PLAA: variants seen among roughly 807,000 people sequenced by gnomAD.
The protein encoded by PLAA is phospholipase A-2-activating protein.
A neutral mutation model predicts 84.1 loss-of-function variants in PLAA; 48 were observed. The observed-to-expected ratio is 0.57, with a 90% confidence interval of 0.45 to 0.73. The LOEUF (loss-of-function observed/expected upper bound fraction) is 0.73, where lower values mean the gene tolerates loss of function less well. Ranked by LOEUF, PLAA falls within the 30% of genes least tolerant of loss-of-function variation. The pLI is 0.00. For synonymous variants in PLAA, 392 were observed against 336.6 expected (o/e 1.16, Z -1.80); for missense variants, 903 against 954.7 (o/e 0.95, Z 0.71).
In PLAA at chr9:26,905,850, C is replaced by T. The variant is rs769781876; in HGVS notation, c.2049G>A (p.Leu683=). The change falls in exon 14 of 14, where the codon CTG becomes CTA. Residue 683 remains leucine, a synonymous_variant. Coordinates refer to ENST00000397292, the MANE Select transcript of PLAA (RefSeq NM_001031689.3). Reference sequence around the variant, plus strand: ...ATTTCAGTTCTATTGCATGGGACATCAGTGATTCCCTCTGGGACATCATGA... The same window carrying T: ...ATTTCAGTTCTATTGCATGGGACATTAGTGATTCCCTCTGGGACATCATGA... ...QKLMMSQRES[L]MSHAIELKSG... is the part of the protein sequence containing the mutation. 8 of 1,613,934 alleles carry T rather than the reference C, an allele frequency of 5.0e-6. No homozygotes were observed. The highest frequency in any genetic ancestry group is 5.9e-6 in the Non-Finnish European group (7 of 1,179,934).
At chr9:26,916,683 T>C in intron 10 of PLAA, 1 of 996,410 alleles carries the variant, frequency 1.0e-6, no homozygotes, top group Non-Finnish European at 1.2e-6. Context: ...TGCTGTGTCT[T>C]GGTTGGTGGG....
At chr9:26,909,684 G>A (rs1044146917) in intron 12 of PLAA, among the ~76,000 whole-genome samples, 1 of 150,978 alleles carries the variant, frequency 6.6e-6, no homozygotes, top group African/African-American at 2.4e-5. Flanking sequence ...GCAGTGGCGC[G>A]ATCTCGGGCT....
chr9:26,907,732 C>T (rs941792416), intron 13 of PLAA, 102 bp downstream of exon 13: 41 of 995,586 alleles, frequency 4.1e-5, no homozygotes, highest in African/African-American at 2.0e-4. Flanking sequence ...TTAGAACTAC[C>T]GAAGTTAACT....
intron 1 of PLAA, among the ~76,000 whole-genome samples, chr9:26,938,054 A>G (rs1365738857): frequency 1.3e-5 from 2 of 152,150 alleles, no homozygotes; most frequent in African/African-American, 4.8e-5. Context: ...GAAACTCAAC[A>G]AACTCCAAGA....
intron 10 of PLAA, 38 bp from the exon 11 acceptor site, chr9:26,913,985 T>A: frequency 6.9e-7 from 1 of 1,442,666 alleles, no homozygotes; most frequent in Non-Finnish European, 9.7e-7. Context: ...CAAAGGTGAC[T>A]GTAAATTATA....
chr9:26,908,879 AT>A (rs1204443242), intron 12 of PLAA, among the ~76,000 whole-genome samples: 1 of 152,182 alleles, frequency 6.6e-6, no homozygotes, highest in African/African-American at 2.4e-5. Flanking sequence ...TTTTTAGCCA[AT>A]TTATGTCAAA....
chr9:26,941,909 T>C (rs1199108383), intron 1 of PLAA, among the ~76,000 whole-genome samples: 1 of 152,112 alleles, frequency 6.6e-6, no homozygotes. Context: ...AGTTTTCATA[T>C]TAAAAGGGCC....
chr9:26,924,905 G>C (rs1398180503), intron 6 of PLAA, among the ~76,000 whole-genome samples: 4 of 152,160 alleles, frequency 2.6e-5, no homozygotes, highest in Non-Finnish European at 5.9e-5. Context: ...AAATGACCAT[G>C]ATCCACTGGC....
chr9:26,939,835 G>A (rs945520055), intron 1 of PLAA, among the ~76,000 whole-genome samples: 3 of 151,832 alleles, frequency 2.0e-5, no homozygotes, highest in Non-Finnish European at 4.4e-5. Context: ...TAAAAAGTTC[G>A]GTACAGGAAG....
chr9:26,933,645 C>A (rs894263158), intron 2 of PLAA, among the ~76,000 whole-genome samples: 4 of 150,412 alleles, frequency 2.7e-5, no homozygotes, highest in African/African-American at 4.9e-5. Context: ...AAAAATTAGC[C>A]GGGCGTGGTA....
At chr9:26,914,711 T>C (rs1824496475) in intron 10 of PLAA, among the ~76,000 whole-genome samples, 1 of 150,616 alleles carries the variant, frequency 6.6e-6, no homozygotes, top group Non-Finnish European at 1.5e-5. Context: ...GATACCATTA[T>C]AATTCACAAT....
chr9:26,920,589 TAAC>T (rs1429295794), intron 7 of PLAA, among the ~76,000 whole-genome samples: 2 of 152,166 alleles, frequency 1.3e-5, no homozygotes, highest in African/African-American at 4.8e-5. Context: ...AAAGGAAGGT[TAAC>T]AAAACGTGAT....
chr9:26,936,610 G>A (rs1825365981), intron 1 of PLAA, among the ~76,000 whole-genome samples: 1 of 152,180 alleles, frequency 6.6e-6, no homozygotes, highest in South Asian at 2.1e-4. Flanking sequence ...CACCCTTCTA[G>A]CCCCATGGCA....
At position 26,926,646 on chromosome 9, in the gene PLAA, T is replaced by C. The variant is rs566687931; in HGVS notation, c.566-86A>G. ...CATTTTACTAACATTATAAAACATA[T>C]CAGTGAGTAGTAAAAATTAATTTTC... On this transcript the variant is annotated intron_variant, in intron 4 of 13. Transcript: ENST00000397292. The C allele has an allele frequency of 2.3e-5, 20 of 882,528 alleles. No homozygotes were observed. In the East Asian group the frequency reaches 3.9e-4, roughly 17 times the overall value. The allele number at this position is 882,528 out of a possible 1,614,324, so 54.7% of individuals were successfully genotyped here.
chr9:26,916,018 A>G (rs376821673), intron 10 of PLAA: 32 of 985,456 alleles, frequency 3.2e-5, no homozygotes, highest in African/African-American at 2.4e-4. Flanking sequence ...CCACTGTGCC[A>G]TAACAGCATT....
In PLAA at chr9:26,905,619, T is replaced by C. The variant is rs546707512; in HGVS notation, c.2280A>G (p.Val760=). ...CAACACCTAAAGACTTGGCTAATTG[T>C]ACAGCATTTGAATCATCACTGATAA... ...GTLISDDSNA[V]QLAKSLGVDS... is the part of the protein sequence containing the mutation. Residue 760 remains valine (V), a synonymous_variant, in exon 14 of 14, where the codon GTA becomes GTG. Coordinates refer to ENST00000397292, the MANE Select transcript of PLAA (RefSeq NM_001031689.3). The C allele has an allele frequency of 2.5e-6, 4 of 1,614,134 alleles. No homozygotes were observed. In the South Asian group the frequency reaches 3.3e-5, roughly 13 times the overall value.
In PLAA at chr9:26,905,574, A is replaced by G; in HGVS notation, c.2325T>C (p.Tyr775=). The G allele has an allele frequency of 6.2e-7, 1 of 1,614,018 alleles. No individual in the cohort carries two copies. The highest frequency in any genetic ancestry group is 8.5e-7 in the Non-Finnish European group (1 of 1,179,944). ...CTTTAGCTGGTTCTGATACTGAGGA[A>G]TACTTTTTTATTTGAGAATCAACAC... ...SLGVDSQIKK[Y]SSVSEPAKVS... Residue 775 remains tyrosine, a synonymous_variant, in exon 14 of 14, where the codon TAT becomes TAC. Transcript: ENST00000397292.
At chr9:26,941,891 T>C (rs1255653616) in intron 1 of PLAA, among the ~76,000 whole-genome samples, 1 of 152,056 alleles carries the variant, frequency 6.6e-6, no homozygotes, top group Non-Finnish European at 1.5e-5. Context: ...CCAGAATTTA[T>C]GGACATGAGT....
chr9:26,908,133 A>C, intron 12 of PLAA, 135 bp from the exon 13 acceptor site: 11 of 525,866 alleles, frequency 2.1e-5, no homozygotes, highest in East Asian at 6.8e-5. Flanking sequence ...ATTATCAAAC[A>C]CCATAAAGTA....
Sources: allele counts gnomAD v4.1 joint callset (sites outside exome capture counted in the v4.1 genomes callset), GRCh38; gene constraint gnomAD v4.1.1; transcripts MANE v1.5; gene names NCBI Gene and HGNC (gene_info 2026-07-23, HGNC 2026-07-21).